Variants in ARHGAP19 observed in about 807,000 individuals in gnomAD.
The protein encoded by ARHGAP19 is rho GTPase-activating protein 19.
A neutral mutation model predicts 60.9 loss-of-function variants in ARHGAP19; 48 were observed. The ratio of observed to expected loss-of-function variants is 0.79; its 90% CI spans 0.62 to 1.00. ARHGAP19 has a LOEUF of 1.00. ARHGAP19 is among the 50% of genes least tolerant of loss of function. The pLI, the probability that ARHGAP19 is intolerant of heterozygous loss-of-function variation, is 0.00. For missense variants in ARHGAP19, 562 were observed against 597.2 expected, an observed-to-expected ratio of 0.94 and a Z score of 0.61; for synonymous variants, 209 against 215.5, an observed-to-expected ratio of 0.97 and a Z score of 0.27.
At chr10:97,239,550 GGGTGTGT>G (rs1564713476) in intron 8 of ARHGAP19, among the ~76,000 whole-genome samples, 3,695 of 114,770 alleles carry the variant, frequency 0.032, 56 homozygotes, top group South Asian at 0.059. Context: ...GAGAGAGAGA[GGGTGTGT>G]GTGTGTGTGT....
At chr10:97,245,667 T>C (rs1022308408) in intron 7 of ARHGAP19, among the ~76,000 whole-genome samples, 2 of 151,792 alleles carry the variant, frequency 1.3e-5, no homozygotes, top group Non-Finnish European at 2.9e-5. Context: ...CATTTCCCTA[T>C]CTATCTAAGC....
intron 1 of ARHGAP19, among the ~76,000 whole-genome samples, chr10:97,273,454 C>T (rs533550736): frequency 3.6e-4 from 54 of 151,340 alleles, no homozygotes; most frequent in African/African-American, 1.2e-3. Context: ...TGAGCCACCA[C>T]GCCCAGCCTA....
chr10:97,265,895 C>G lies in ARHGAP19; in HGVS notation c.287G>C (p.Gly96Ala). Residue 96 changes from glycine (G) to alanine (A), a missense_variant, in exon 2 of 12, where the codon GGA becomes GCA. Transcript: ENST00000358531. ...GAGAGACATGAGAGACCGGAAGAAT[C>G]CTGATGCTGGGCCAGCCCCGCCAGG... ...KLPGGAGPAS[G>A]FFRSLMSLKR... The G allele has an allele frequency of 6.2e-7, 1 of 1,614,192 alleles. No individual in the cohort carries two copies. Among genetic ancestry groups the G allele is most frequent in the Non-Finnish European group, 8.5e-7 (1 of 1,180,036 alleles).
At chr10:97,290,997 G>T (rs937183833) in intron 1 of ARHGAP19, among the ~76,000 whole-genome samples, 2 of 152,116 alleles carry the variant, frequency 1.3e-5, no homozygotes, top group African/African-American at 4.8e-5. Flanking sequence ...AGCCTAGCTG[G>T]GAATGTGACC....
chr10:97,232,154 A>ATTTTTTT (rs1170639718), intron 9 of ARHGAP19, among the ~76,000 whole-genome samples: 1 of 56,302 alleles, frequency 1.8e-5, no homozygotes, highest in Non-Finnish European at 3.5e-5. Flanking sequence ...TTTGCTCACT[A>ATTTTTTT]TTTTTTTTTT....
intron 8 of ARHGAP19, among the ~76,000 whole-genome samples, chr10:97,237,616 A>G (rs887028134): frequency 6.6e-6 from 1 of 152,186 alleles, no homozygotes; most frequent in African/African-American, 2.4e-5. Context: ...CACACCTATA[A>G]TCCCAACACT....
intron 1 of ARHGAP19, chr10:97,278,044 A>G (rs1244876897): frequency 6.5e-6 from 1 of 152,722 alleles, no homozygotes. Context: ...TGTACAGGCT[A>G]TAATTTTCTT....
Position 97,244,786 on chromosome 10 carries a change from T to A in ARHGAP19, c.994-627A>T, listed in dbSNP as rs115966404. Among the ~76,000 whole-genome samples the A allele has an allele frequency of 2.8e-3, 422 of 152,126 alleles. 2 individuals carry two copies. Among genetic ancestry groups the A allele is most frequent in the African/African-American group, 8.9e-3 (371 of 41,516 alleles). On this transcript the variant is annotated intron_variant, in intron 7 of 11. Transcript: ENST00000358531. ...AGAAACAAATAGGAGCAGAAAAAAT[T>A]GCACAAGCGGACAGCTTAAGTTTCT...
At chr10:97,230,026 G>C (rs1850978255) in intron 9 of ARHGAP19, 152 bp from the exon 10 acceptor site, 1 of 584,326 alleles carries the variant, frequency 1.7e-6, no homozygotes, top group South Asian at 2.6e-5. Context: ...TCTTATACAA[G>C]AGAGGCCAAA....
chr10:97,229,189 T>G lies in ARHGAP19; in HGVS notation c.1432A>C (p.Thr478Pro). ...TTCCCTTCAGACCACTTCAATCTTGTTGGTGTCATCGTGACAGCTGGAGAG... is the reference window on the plus strand; with the variant it reads ...TTCCCTTCAGACCACTTCAATCTTGGTGGTGTCATCGTGACAGCTGGAGAG... The part of the protein sequence containing the change: ...SGSPAVTMTP[T>P]RLKWSEGKKE... The change falls in exon 11 of 12, where the codon ACA (threonine) becomes CCA (proline). Residue 478 changes from threonine to proline, a missense_variant. Transcript: ENST00000358531. 1 of 1,614,190 alleles carries G rather than the reference T, an allele frequency of 6.2e-7. No homozygotes were observed. The highest frequency in any genetic ancestry group is 8.5e-7 in the Non-Finnish European group (1 of 1,180,008).
At chr10:97,283,813 G>A in intron 1 of ARHGAP19, among the ~76,000 whole-genome samples, 1 of 127,148 alleles carries the variant, frequency 7.9e-6, no homozygotes, top group Non-Finnish European at 1.6e-5. Context: ...AGACAACATA[G>A]TGAAACTTCA....
intron 6 of ARHGAP19, among the ~76,000 whole-genome samples, chr10:97,255,576 GA>G (rs905638888): frequency 1.3e-5 from 2 of 150,510 alleles, no homozygotes; most frequent in African/African-American, 4.9e-5. Flanking sequence ...GACCTTGTCT[GA>G]AAAAAAAAGA....
rs1589439987 is a variant in ARHGAP19, at chr10:97,226,061, A to G, written c.*61T>C. 3 of 1,571,610 alleles carry G rather than the reference A, an allele frequency of 1.9e-6. No individual in the cohort carries two copies. Among genetic ancestry groups the G allele is most frequent in the East Asian group, 2.2e-5 (1 of 44,672 alleles). On this transcript the variant is annotated 3_prime_UTR_variant, in exon 12 of 12. Coordinates refer to ENST00000358531, the MANE Select transcript of ARHGAP19 (RefSeq NM_032900.6). ...AGTCCAAGCTTTGCTGTGGGCAGGA[A>G]TAACACCTGCCCACTAAACAGAAAA...
chr10:97,226,224 A>G (rs1430442675), intron 11 of ARHGAP19, 92 bp from the exon 12 acceptor site: 5 of 1,312,750 alleles, frequency 3.8e-6, no homozygotes, highest in South Asian at 1.3e-5. Context: ...TCTACACTTA[A>G]TATTTTCTCC....
At chr10:97,249,185 A>G (rs1188442313) in intron 6 of ARHGAP19, among the ~76,000 whole-genome samples, 1 of 152,206 alleles carries the variant, frequency 6.6e-6, no homozygotes, top group East Asian at 1.9e-4. Context: ...AAATGACAAA[A>G]TTAGAAAATC....
intron 8 of ARHGAP19, among the ~76,000 whole-genome samples, chr10:97,239,928 A>G (rs1476852514): frequency 6.6e-6 from 1 of 151,790 alleles, no homozygotes; most frequent in Non-Finnish European, 1.5e-5. Flanking sequence ...GCTCGTCTCG[A>G]ACTCCCGACC....
At chr10:97,264,242 A>C (rs1287919129) in intron 3 of ARHGAP19, among the ~76,000 whole-genome samples, 4 of 152,202 alleles carry the variant, frequency 2.6e-5, no homozygotes, top group Non-Finnish European at 5.9e-5. Context: ...ACTTGAGCAC[A>C]GTAGTTCAAG....
In ARHGAP19 at chr10:97,245,477, C is replaced by A. The variant is rs1842549945; in HGVS notation, c.993+795G>T. 2.0e-5 allele frequency among the ~76,000 whole-genome samples: 3 copies of A among 151,368 alleles called. No individual in the cohort carries two copies. The South Asian group carries it at 6.3e-4, about 32-fold the overall frequency. Reference sequence around the variant, plus strand: ...TCTCTACCAAAAATACAAAAATTAGCGGGCATGGTGGTGCATGCCTGTAGT... The same window carrying A: ...TCTCTACCAAAAATACAAAAATTAGAGGGCATGGTGGTGCATGCCTGTAGT... On this transcript the variant is annotated intron_variant, in intron 7 of 11. Transcript: ENST00000358531.
intron 2 of ARHGAP19, chr10:97,265,531 A>G (rs1842887198): frequency 7.5e-6 from 2 of 266,126 alleles, no homozygotes; most frequent in East Asian, 9.1e-5. Context: ...ATTCTGTTCT[A>G]TAGTCTCTAG....
Sources: allele counts gnomAD v4.1 joint callset (sites outside exome capture counted in the v4.1 genomes callset), GRCh38; gene constraint gnomAD v4.1.1; transcripts MANE v1.5; gene names NCBI Gene and HGNC (gene_info 2026-07-23, HGNC 2026-07-21).